CTNNA3: variants seen among roughly 807,000 people sequenced by gnomAD.
CTNNA3 encodes catenin alpha 3.
In CTNNA3, 76 loss-of-function variants were observed where a neutral mutation model predicts 95.7. That is an observed-to-expected ratio of 0.79 (90% confidence interval 0.66 to 0.96). The LOEUF is 0.96. CTNNA3 is among the 40% of genes least tolerant of loss of function. CTNNA3 has a pLI of 0.00. For synonymous variants in CTNNA3, 431 were observed against 374.4 expected (o/e 1.15, Z -1.74); for missense variants, 1,191 against 1,089.8 (o/e 1.09, Z -1.31).
At chr10:66,031,597 C>G (rs979084677) in intron 15 of CTNNA3, among the ~76,000 whole-genome samples, 1 of 152,132 alleles carries the variant, frequency 6.6e-6, no homozygotes, top group African/African-American at 2.4e-5. Context: ...GGTTGAAAAA[C>G]TATCTACTGG....
At chr10:66,936,055 C>T (rs1847677729) in intron 7 of CTNNA3, among the ~76,000 whole-genome samples, 1 of 152,148 alleles carries the variant, frequency 6.6e-6, no homozygotes, top group African/African-American at 2.4e-5. Context: ...CCACTCCAGC[C>T]TATCTCATGT....
chr10:66,070,322 T>C (rs1174280793), intron 14 of CTNNA3, among the ~76,000 whole-genome samples: 1 of 152,110 alleles, frequency 6.6e-6, no homozygotes, highest in Non-Finnish European at 1.5e-5. Flanking sequence ...ACTTCTGAAA[T>C]GAAAAGTAAT....
At chr10:66,450,478 A>T (rs566460390) in intron 11 of CTNNA3, among the ~76,000 whole-genome samples, 3 of 152,202 alleles carry the variant, frequency 2.0e-5, no homozygotes, top group African/African-American at 7.2e-5. Context: ...AACACTAAGC[A>T]TTTTACATTT....
chr10:67,498,363 A>G (rs1271431659), intron 5 of CTNNA3, among the ~76,000 whole-genome samples: 1 of 152,158 alleles, frequency 6.6e-6, no homozygotes, highest in Non-Finnish European at 1.5e-5. Flanking sequence ...GAAGTCAGGT[A>G]GTGTGGTGCT....
intron 5 of CTNNA3, among the ~76,000 whole-genome samples, chr10:67,476,215 A>G (rs758694731): frequency 6.6e-6 from 1 of 151,738 alleles, no homozygotes; most frequent in Non-Finnish European, 1.5e-5. Context: ...CACCCTTCCT[A>G]TGCAGAAACC....
At chr10:66,050,424 A>ATTTTT (rs200349556) in intron 15 of CTNNA3, among the ~76,000 whole-genome samples, 1 of 145,902 alleles carries the variant, frequency 6.9e-6, no homozygotes, top group Non-Finnish European at 1.5e-5. Flanking sequence ...ATCCTCATGC[A>ATTTTT]TTTTTTTTTT....
chr10:66,630,896 G>C (rs934249902), intron 9 of CTNNA3, among the ~76,000 whole-genome samples: 8 of 152,208 alleles, frequency 5.3e-5, no homozygotes, highest in Admixed American at 5.2e-4. Flanking sequence ...CTATTATGTG[G>C]GCTGGGAACT....
At chr10:66,758,443 T>A (rs896312577) in intron 9 of CTNNA3, among the ~76,000 whole-genome samples, 3 of 152,136 alleles carry the variant, frequency 2.0e-5, no homozygotes, top group African/African-American at 7.2e-5. Flanking sequence ...AGTGAATTGA[T>A]TAAAAAGAAC....
At chr10:66,626,374 T>C (rs1425288224) in intron 9 of CTNNA3, among the ~76,000 whole-genome samples, 1 of 131,296 alleles carries the variant, frequency 7.6e-6, no homozygotes, top group Non-Finnish European at 1.7e-5. Flanking sequence ...ATTGTTCATA[T>C]AGTTAATTGT....
intron 9 of CTNNA3, among the ~76,000 whole-genome samples, chr10:66,762,049 G>A (rs1839619623): frequency 6.6e-6 from 1 of 151,922 alleles, no homozygotes; most frequent in African/African-American, 2.4e-5. Flanking sequence ...GGATTTATTG[G>A]GCATGAGCTG....
chr10:66,757,660 C>T (rs116418781), intron 9 of CTNNA3, among the ~76,000 whole-genome samples: 1,792 of 152,232 alleles, frequency 0.012, 22 homozygotes, highest in African/African-American at 0.041. Context: ...ATTTTTGCAG[C>T]CTGATGTACT....
At chr10:67,037,794 G>C (rs1854155801) in intron 7 of CTNNA3, among the ~76,000 whole-genome samples, 1 of 152,126 alleles carries the variant, frequency 6.6e-6, no homozygotes, top group Non-Finnish European at 1.5e-5. Flanking sequence ...ATGGATGGTA[G>C]TTACAGTCAG....
chr10:67,387,243 G>C (rs944936784), intron 5 of CTNNA3, among the ~76,000 whole-genome samples: 14 of 152,290 alleles, frequency 9.2e-5, no homozygotes, highest in African/African-American at 2.9e-4. Flanking sequence ...TTGCCTCACT[G>C]GGGAAGCGCA....
intron 12 of CTNNA3, among the ~76,000 whole-genome samples, chr10:66,303,457 T>C (rs186006902): frequency 6.6e-6 from 1 of 152,246 alleles, no homozygotes. Flanking sequence ...AATGCATTTA[T>C]ACTTGATTAT....
intron 13 of CTNNA3, among the ~76,000 whole-genome samples, chr10:66,219,182 A>G (rs902010209): frequency 6.6e-6 from 1 of 152,078 alleles, no homozygotes; most frequent in Non-Finnish European, 1.5e-5. Flanking sequence ...ATTCTAGATT[A>G]TGAGCTGATG....
At chr10:66,749,086 C>T (rs1310781184) in intron 9 of CTNNA3, among the ~76,000 whole-genome samples, 2 of 150,924 alleles carry the variant, frequency 1.3e-5, no homozygotes, top group Non-Finnish European at 3.0e-5. Context: ...ACCTGTAGTC[C>T]CAGCTACTTG....
At chr10:67,407,177 C>T (rs1171664511) in intron 5 of CTNNA3, among the ~76,000 whole-genome samples, 2 of 152,152 alleles carry the variant, frequency 1.3e-5, no homozygotes, top group African/African-American at 2.4e-5. Context: ...CAACAAAATA[C>T]TGGCAAACTG....
At chr10:66,624,988 G>T (rs1844882122) in intron 9 of CTNNA3, among the ~76,000 whole-genome samples, 2 of 149,996 alleles carry the variant, frequency 1.3e-5, no homozygotes, top group Non-Finnish European at 3.0e-5. Flanking sequence ...TGGGACAAAA[G>T]GTAGTTATTT....
intron 7 of CTNNA3, among the ~76,000 whole-genome samples, chr10:66,998,398 G>A (rs964813109): frequency 3.3e-5 from 5 of 152,136 alleles, no homozygotes; most frequent in Admixed American, 1.3e-4. Context: ...AAAATAAAAT[G>A]TAGACATAAA....
Sources: gnomAD v4.1 joint callset for allele counts (sites outside exome capture counted in the v4.1 genomes callset) on GRCh38, gnomAD v4.1.1 for gene constraint, MANE v1.5 for transcripts, NCBI Gene and HGNC (gene_info 2026-07-23, HGNC 2026-07-21) for gene names.